The following RHEB variants were observed in gnomAD, a reference collection of about 807,000 sequenced individuals.
RHEB encodes the protein GTP-binding protein Rheb.
Under a neutral mutation model 28.8 loss-of-function variants are expected in RHEB, and 2 were observed. That is an observed-to-expected ratio of 0.07 (90% CI 0.03 to 0.22). The LOEUF is 0.22. Ranked by LOEUF, RHEB falls within the 10% of genes least tolerant of loss-of-function variation. The pLI, the probability that RHEB is intolerant of heterozygous loss-of-function variation, is 1.00. For synonymous variants in RHEB, 69 were observed against 77.3 expected, an observed-to-expected ratio of 0.89 and a Z score of 0.56; for missense variants, 76 against 219.9, an observed-to-expected ratio of 0.35 and a Z score of 4.14.
intron 1 of RHEB, chr7:151,519,044 G>A (rs1803133036): frequency 6.6e-6 from 1 of 152,388 alleles, no homozygotes; most frequent in Admixed American, 6.5e-5. Flanking sequence ...CGGGGGCGGG[G>A]TGGGGGAGAC....
intron 3 of RHEB, among the ~76,000 whole-genome samples, chr7:151,481,275 G>A (rs1361764625): frequency 6.6e-6 from 1 of 151,962 alleles, no homozygotes; most frequent in Non-Finnish European, 1.5e-5. Context: ...ATTCCTAGGT[G>A]GGCAATTAAA....
intron 1 of RHEB, chr7:151,501,880 G>T: frequency 1.5e-6 from 1 of 646,536 alleles, no homozygotes; most frequent in South Asian, 1.4e-5. Flanking sequence ...GCAAGAAGAT[G>T]GTGGACGACC....
At chr7:151,469,184 G>A (rs184492306) in intron 7 of RHEB, among the ~76,000 whole-genome samples, 25 of 152,142 alleles carry the variant, frequency 1.6e-4, no homozygotes, top group African/African-American at 4.1e-4. Flanking sequence ...TTTTTCATCC[G>A]CACATAAGAG....
chr7:151,502,283 ATGATATCAC>A, intron 1 of RHEB: 2 of 697,376 alleles, frequency 2.9e-6, no homozygotes, highest in Non-Finnish European at 5.2e-6. Flanking sequence ...TGGCACTAGC[ATGATATCAC>A]TGATCATTCC....
At position 151,472,309 on chromosome 7, in the gene RHEB, A is replaced by C. The variant is rs1259034429; in HGVS notation, c.276-704T>G. On this transcript the variant is annotated intron_variant, in intron 4 of 7. Coordinates refer to ENST00000262187, the MANE Select transcript of RHEB (RefSeq NM_005614.4). The surrounding 1 kb of genome is among the most constrained non-coding windows in gnomAD (Gnocchi z 5.2). The stretch of plus-strand genomic sequence containing the variant: ...CGCTGAGGTGTGAATTCCTGGCCCA[A>C]GTCTGCCTGCATCAGTTCCACAGCC... Among the ~76,000 whole-genome samples the C allele has an allele frequency of 1.3e-5, 2 of 152,148 alleles. No individual in the cohort carries two copies. Among genetic ancestry groups the C allele is most frequent in the African/African-American group, 4.8e-5 (2 of 41,432 alleles).
At chr7:151,507,258 A>G (rs148811262) in intron 1 of RHEB, among the ~76,000 whole-genome samples, 63 of 152,358 alleles carry the variant, frequency 4.1e-4, no homozygotes, top group East Asian at 3.5e-3. Context: ...CACAATGCCA[A>G]TCATATGCTT....
At position 151,495,301 on chromosome 7, in the gene RHEB, T is replaced by A. The variant is rs569155907; in HGVS notation, c.53-4287A>T. ...ATGTGTGTTTATCCTCAAACACAAATCACTCATTTAATGACATAAATTACT... is the reference window on the plus strand; with the variant it reads ...ATGTGTGTTTATCCTCAAACACAAAACACTCATTTAATGACATAAATTACT... On this transcript the variant is annotated intron_variant, in intron 1 of 7. Coordinates refer to ENST00000262187, the MANE Select transcript of RHEB (RefSeq NM_005614.4). Among the ~76,000 whole-genome samples, 501 of 152,336 alleles carry A rather than the reference T, an allele frequency of 3.3e-3. 4 individuals carry two copies. The highest frequency in any genetic ancestry group is 5.0e-3 in the Admixed American group (76 of 15,302).
chr7:151,478,323 A>G (rs1172885691), intron 3 of RHEB, among the ~76,000 whole-genome samples: 1 of 151,980 alleles, frequency 6.6e-6, no homozygotes. Flanking sequence ...GTAAACTTAT[A>G]GTATGGTTAT....
chr7:151,491,510 C>T (rs1237721028), intron 1 of RHEB, among the ~76,000 whole-genome samples: 1 of 152,038 alleles, frequency 6.6e-6, no homozygotes, highest in Non-Finnish European at 1.5e-5. Context: ...CTGAGGCAGA[C>T]GGATCACCTG....
chr7:151,471,900 T>G (rs1802167740), intron 4 of RHEB: 1 of 348,598 alleles, frequency 2.9e-6, no homozygotes, highest in South Asian at 5.1e-5. Flanking sequence ...ACCCAACTCA[T>G]TCAGCAAAGA....
intron 1 of RHEB, among the ~76,000 whole-genome samples, chr7:151,514,401 T>G (rs1005640862): frequency 2.6e-5 from 4 of 152,142 alleles, no homozygotes; most frequent in Non-Finnish European, 5.9e-5. Flanking sequence ...CTTTCTGCTT[T>G]GAAGGACACC....
intron 1 of RHEB, among the ~76,000 whole-genome samples, chr7:151,492,336 C>T (rs757802392): frequency 3.3e-5 from 5 of 152,008 alleles, no homozygotes; most frequent in Non-Finnish European, 7.4e-5. Flanking sequence ...GGTTGCTGGC[C>T]GGGTGTGGTG....
intron 1 of RHEB, chr7:151,503,032 T>C (rs1243471857): frequency 1.3e-6 from 1 of 785,576 alleles, no homozygotes; most frequent in Non-Finnish European, 2.4e-6. Flanking sequence ...GATACTTTGA[T>C]GAAATCACCC....
chr7:151,474,928 A>C (rs1158380219), intron 4 of RHEB, among the ~76,000 whole-genome samples: 1 of 152,242 alleles, frequency 6.6e-6, no homozygotes, highest in Non-Finnish European at 1.5e-5. Context: ...GTTTCTAAAA[A>C]ACAAAACACC....
At chr7:151,480,159 C>T (rs1278893400) in intron 3 of RHEB, among the ~76,000 whole-genome samples, 1 of 152,124 alleles carries the variant, frequency 6.6e-6, no homozygotes, top group Non-Finnish European at 1.5e-5. Context: ...AGCCCACATC[C>T]AGGAAGTTTT....
intron 2 of RHEB, among the ~76,000 whole-genome samples, chr7:151,487,482 T>G (rs1802499172): frequency 6.6e-6 from 1 of 150,748 alleles, no homozygotes; most frequent in East Asian, 2.0e-4. Context: ...TGCAGAAGAT[T>G]CGGCCAAGAA....
At chr7:151,488,877 T>C (rs1344549929) in intron 2 of RHEB, among the ~76,000 whole-genome samples, 2 of 152,232 alleles carry the variant, frequency 1.3e-5, no homozygotes. Context: ...TTCTGATCCA[T>C]TACTTACTAA....
intron 2 of RHEB, among the ~76,000 whole-genome samples, chr7:151,490,636 G>A (rs1802563721): frequency 6.6e-6 from 1 of 152,320 alleles, no homozygotes; most frequent in South Asian, 2.1e-4. Context: ...CTGGGAGAAA[G>A]GGGGTGTGGG....
intron 4 of RHEB, 32 bp downstream of exon 4, chr7:151,477,301 A>C (rs755899059): frequency 8.0e-7 from 1 of 1,251,982 alleles, no homozygotes; most frequent in Non-Finnish European, 1.2e-6. Context: ...TATGAGTAGC[A>C]AATCAACTCA....
Sources: allele counts gnomAD v4.1 joint callset (sites outside exome capture counted in the v4.1 genomes callset), GRCh38; gene constraint gnomAD v4.1.1; non-coding constraint Gnocchi (gnomAD v3.1); transcripts MANE v1.5; gene names NCBI Gene and HGNC (gene_info 2026-07-23, HGNC 2026-07-21).